SMYD4: variants seen among roughly 807,000 people sequenced by gnomAD.
The protein encoded by SMYD4 is protein-lysine N-methyltransferase SMYD4.
SMYD4 carries 68 observed loss-of-function variants against 72.8 expected under a neutral mutation model. That is an observed-to-expected ratio of 0.93 (90% confidence interval 0.77 to 1.14). The LOEUF (loss-of-function observed/expected upper bound fraction) is 1.14. Ranked by LOEUF, SMYD4 falls within the 50% of genes most tolerant of loss-of-function variation. The pLI is 0.00. For missense variants in SMYD4, 984 were observed against 1,003.7 expected (o/e 0.98, Z 0.27); for synonymous variants, 407 against 388.6 (o/e 1.05, Z -0.56).
chr17:1,794,091 A>ATGTG (rs1456702302), intron 5 of SMYD4, among the ~76,000 whole-genome samples: 2 of 20,296 alleles, frequency 9.9e-5, no homozygotes, highest in Admixed American at 5.5e-4. Context: ...GTATATATAT[A>ATGTG]TATATATATA....
chr17:1,819,834 CTGGAG>C (rs1300629875), intron 2 of SMYD4, among the ~76,000 whole-genome samples: 1 of 152,180 alleles, frequency 6.6e-6, no homozygotes, highest in Non-Finnish European at 1.5e-5. Context: ...GTTTCCCAGG[CTGGAG>C]TGCAGTGGCA....
intron 3 of SMYD4, among the ~76,000 whole-genome samples, chr17:1,810,291 T>A (rs959271002): frequency 6.6e-6 from 1 of 152,084 alleles, no homozygotes; most frequent in Non-Finnish European, 1.5e-5. Context: ...AATTACTTTT[T>A]TTTTTTTGAG....
At chr17:1,808,316 A>G (rs1325970416) in intron 3 of SMYD4, among the ~76,000 whole-genome samples, 4 of 152,208 alleles carry the variant, frequency 2.6e-5, no homozygotes, top group East Asian at 1.9e-4. Context: ...GGAAAATTTA[A>G]TAACATGAGA....
At position 1,786,945 on chromosome 17, in the gene SMYD4, G is replaced by T. The variant is rs140685899; in HGVS notation, c.1749C>A (p.Ala583=). 6.2e-7 allele frequency: 1 copy of T among 1,613,852 alleles called. No individual in the cohort carries two copies. Among genetic ancestry groups the T allele is most frequent in the African/African-American group, 1.3e-5 (1 of 74,930 alleles). The change falls in exon 7 of 11, where the codon GCC becomes GCA. Residue 583 remains alanine (A), a synonymous_variant. Coordinates refer to ENST00000305513, the MANE Select transcript of SMYD4 (RefSeq NM_052928.3). The part of the protein sequence containing the change: ...YGPHKSRMGV[A]ERQQKLRSQY... The stretch of plus-strand genomic sequence containing the variant: ...GAGACCTCAGCTTCTGCTGCCTTTC[G>T]GCAACCCCCATCCGGCTCTTGTGAG...
Position 1,780,617 on chromosome 17 carries a change from CTTAATA to C in SMYD4, c.*663_*668del, listed in dbSNP as rs1258091885. 3 of 149,504 alleles carry C rather than the reference CTTAATA, an allele frequency of 2.0e-5. No homozygotes were observed. The highest frequency in any genetic ancestry group is 7.5e-5 in the African/African-American group (3 of 39,796). The allele number at this position is 149,504 out of a possible 1,614,324, so 9.3% of individuals were successfully genotyped here. ...GAACCCACATCTGGCAGCAGAACCT[CTTAATA>C]TTTTTTTTTTTTCTTTGAGATGGAG... On this transcript the variant is annotated 3_prime_UTR_variant, in exon 11 of 11. Transcript: ENST00000305513.
intron 2 of SMYD4, among the ~76,000 whole-genome samples, chr17:1,824,596 C>G (rs142956002): frequency 6.6e-6 from 1 of 151,936 alleles, no homozygotes; most frequent in African/African-American, 2.4e-5. Context: ...TGAGTTCTCA[C>G]GAAATCTGAT....
chr17:1,812,719 T>C (rs190395328), intron 2 of SMYD4, among the ~76,000 whole-genome samples: 132 of 151,666 alleles, frequency 8.7e-4, no homozygotes, highest in Admixed American at 1.7e-3. Context: ...CAGCTAATTT[T>C]TGTATTTTTA....
At chr17:1,826,805 A>C (rs1286354198) in intron 2 of SMYD4, among the ~76,000 whole-genome samples, 1 of 152,310 alleles carries the variant, frequency 6.6e-6, no homozygotes, top group East Asian at 1.9e-4. Flanking sequence ...TTGTCATTCA[A>C]TTAATGTTTA....
At chr17:1,817,612 C>T (rs1490287535) in intron 2 of SMYD4, among the ~76,000 whole-genome samples, 2 of 152,202 alleles carry the variant, frequency 1.3e-5, no homozygotes, top group African/African-American at 2.4e-5. Context: ...GGTGGGATTA[C>T]AGCTGTGAGC....
intron 1 of SMYD4, among the ~76,000 whole-genome samples, chr17:1,828,536 G>A (rs2151259754): frequency 6.6e-6 from 1 of 151,398 alleles, no homozygotes. Context: ...CAGGCACCAT[G>A]CAGGTGATGG....
chr17:1,781,008 C>T lies in SMYD4; in HGVS notation c.*278G>A. On this transcript the variant is annotated 3_prime_UTR_variant, in exon 11 of 11. Coordinates refer to ENST00000305513, the MANE Select transcript of SMYD4 (RefSeq NM_052928.3). ...GATCTCGGCTCACTGCAACCTCCGC[C>T]TCCTGGGTTCAAGAGATTCTCCTGC... is the stretch of plus-strand genomic sequence containing the variant. 1 of 260,042 alleles carries T rather than the reference C, an allele frequency of 3.8e-6. No individual in the cohort carries two copies. Among genetic ancestry groups the T allele is most frequent in the Admixed American group, 5.2e-5 (1 of 19,340 alleles). The allele number at this position is 260,042 out of a possible 1,614,324, so 16.1% of individuals were successfully genotyped here. A position where few individuals can be genotyped will look rare whatever the true frequency, so the allele number is the denominator to read the frequency against.
intron 5 of SMYD4, among the ~76,000 whole-genome samples, chr17:1,794,105 A>ATATATATTTTTTTTTT (rs1291818005): frequency 7.7e-5 from 1 of 12,982 alleles, no homozygotes; most frequent in Non-Finnish European, 1.4e-4. Flanking sequence ...ATATATATAT[A>ATATATATTTTTTTTTT]TTTTTTTTTT....
rs748123106 is a variant in SMYD4 at position 1,787,574 on chromosome 17, C to T, written c.1568G>A (p.Arg523Lys). The change falls in exon 6 of 11, where the codon AGG (arginine) becomes AAG (lysine). Residue 523 changes from arginine (R) to lysine (K), a missense_variant. Transcript: ENST00000305513. ...GATGCCTGTGGCAAGGCGCACCTGC[C>T]TGCTGTCGGTAACGATGCTCCCTTT... ...GPKGSIVTDS[R>K]QVRLATGIFP... 4.4e-6 allele frequency: 7 copies of T among 1,594,922 alleles called. No homozygotes were observed. In the Admixed American group the frequency reaches 5.3e-5, roughly 12 times the overall value.
chr17:1,822,006 C>T (rs186031754), intron 2 of SMYD4, among the ~76,000 whole-genome samples: 17 of 151,854 alleles, frequency 1.1e-4, no homozygotes, highest in African/African-American at 4.1e-4. Context: ...GGGTGGATCC[C>T]TTGAGGTCAG....
At chr17:1,793,062 C>T (rs1053065023) in intron 5 of SMYD4, among the ~76,000 whole-genome samples, 5 of 151,988 alleles carry the variant, frequency 3.3e-5, no homozygotes, top group East Asian at 1.9e-4. Context: ...AGACCACAAG[C>T]GCGCACCACC....
chr17:1,793,758 TC>T (rs1387509362), intron 5 of SMYD4, among the ~76,000 whole-genome samples: 1 of 151,378 alleles, frequency 6.6e-6, no homozygotes, highest in African/African-American at 2.4e-5. Flanking sequence ...TTATCCAGTC[TC>T]ATCATGTCCA....
chr17:1,824,370 A>G (rs1911049827), intron 2 of SMYD4, among the ~76,000 whole-genome samples: 1 of 152,088 alleles, frequency 6.6e-6, no homozygotes. Context: ...AATAAAATAC[A>G]CTATAAAGTC....
intron 5 of SMYD4, among the ~76,000 whole-genome samples, chr17:1,794,056 T>C (rs182241523): frequency 6.3e-3 from 238 of 38,022 alleles, no homozygotes; most frequent in Non-Finnish European, 0.013. Context: ...TATATATGTG[T>C]GTATATATAT....
intron 5 of SMYD4, 33 bp downstream of exon 5, chr17:1,799,824 A>G (rs777892928): frequency 6.6e-7 from 1 of 1,519,640 alleles, no homozygotes; most frequent in East Asian, 2.3e-5. Context: ...CGAGAACAAT[A>G]TTGAAAAGCA....
Sources: allele counts gnomAD v4.1 joint callset (sites outside exome capture counted in the v4.1 genomes callset), GRCh38; gene constraint gnomAD v4.1.1; transcripts MANE v1.5; gene names NCBI Gene and HGNC (gene_info 2026-07-23, HGNC 2026-07-21).